The following KAZN variants were observed in gnomAD, a reference collection of about 807,000 sequenced individuals.
KAZN encodes kazrin.
KAZN carries 40 observed loss-of-function variants against 87.4 expected under a neutral mutation model. The observed-to-expected ratio is 0.46, with a 90% CI of 0.36 to 0.60. The LOEUF (loss-of-function observed/expected upper bound fraction) is 0.60. KAZN is among the 20% of genes least tolerant of loss of function. The probability of loss-of-function intolerance (pLI) is 0.00; values close to 1 mark genes in which losing one functional copy is unlikely to be tolerated. For missense variants in KAZN, 898 were observed against 1,073.9 expected (o/e 0.84, Z 2.29); for synonymous variants, 466 against 458.3 (o/e 1.02, Z -0.22).
intron 2 of KAZN, among the ~76,000 whole-genome samples, chr1:15,029,515 A>G (rs1046157769): frequency 6.6e-6 from 1 of 152,166 alleles, no homozygotes; most frequent in Non-Finnish European, 1.5e-5. Flanking sequence ...GCACACGTAC[A>G]CACACCCCTT....
chr1:14,835,561 G>GCT (rs1647208420), intron 1 of KAZN, among the ~76,000 whole-genome samples: 2 of 152,234 alleles, frequency 1.3e-5, no homozygotes, highest in African/African-American at 4.8e-5. Flanking sequence ...CATTGTCACG[G>GCT]GAGGAAACTG....
chr1:13,919,156 CA>C (rs1639969791), intron 1 of KAZN, among the ~76,000 whole-genome samples: 1 of 152,238 alleles, frequency 6.6e-6, no homozygotes, highest in Non-Finnish European at 1.5e-5. Flanking sequence ...TCTCAGCACA[CA>C]AAGTGCACTG....
At chr1:14,065,187 A>T (rs575521265) in intron 1 of KAZN, among the ~76,000 whole-genome samples, 7 of 152,340 alleles carry the variant, frequency 4.6e-5, no homozygotes, top group African/African-American at 1.7e-4. Flanking sequence ...CAGGAGGGGA[A>T]TCTGTTCCGG....
chr1:14,493,441 C>T (rs1033950883), intron 2 of KAZN, among the ~76,000 whole-genome samples: 7 of 152,084 alleles, frequency 4.6e-5, no homozygotes, highest in Admixed American at 1.3e-4. Flanking sequence ...CATTCACATC[C>T]GACTCACCAC....
chr1:14,599,070 A>G lies in KAZN; in HGVS notation c.73A>G (p.Asn25Asp), dbSNP rs1166087320. The part of the protein sequence containing the change: ...AVQSASQEVT[N>D]LRAELTATNR... The stretch of plus-strand genomic sequence containing the variant: ...CCAGTCGGCCAGCCAGGAGGTGACC[A>G]ACCTGCGAGCCGAACTCACGGCCAC... The change falls in exon 1 of 15, where the codon AAC becomes GAC. Residue 25 changes from asparagine to aspartate, a missense_variant. Asn to Asp is a conservative substitution (Grantham distance 23). Around this residue, in one of 3 missense-constraint regions of KAZN, gnomAD observed 250 missense variants for 263.0 expected, o/e 0.95. Transcript: ENST00000376030. This position sits in a 1 kb window ranked among gnomAD's most constrained non-coding sequence, Gnocchi z 4.4. 2 of 1,562,094 alleles carry G rather than the reference A, an allele frequency of 1.3e-6. No homozygotes were observed. Among genetic ancestry groups the G allele is most frequent in the Non-Finnish European group, 1.7e-6 (2 of 1,158,860 alleles).
At chr1:14,577,685 A>G (rs773920839) in intron 2 of KAZN, among the ~76,000 whole-genome samples, 2 of 152,200 alleles carry the variant, frequency 1.3e-5, no homozygotes, top group Non-Finnish European at 2.9e-5. Context: ...CCACTCACTG[A>G]GTGATCTTAG....
In KAZN at chr1:14,100,654, G is replaced by T. The variant is rs530078974; in HGVS notation, c.92-79781G>T. Among the ~76,000 whole-genome samples the T allele has an allele frequency of 6.6e-5, 10 of 152,310 alleles. No individual in the cohort carries two copies. The East Asian group carries it at 1.9e-3, about 29-fold the overall frequency. On this transcript the variant is annotated intron_variant, in intron 1 of 16. Transcript: ENST00000636203. The stretch of plus-strand genomic sequence containing the variant: ...GGCTTTGTTGGGGGCTGGTCACATA[G>T]GCAACCTCTTGCCTGGTACATACAC...
At chr1:14,170,465 A>G (rs974931637) in intron 1 of KAZN, among the ~76,000 whole-genome samples, 2 of 152,164 alleles carry the variant, frequency 1.3e-5, no homozygotes, top group Non-Finnish European at 2.9e-5. Context: ...CTTACATGCC[A>G]GAGACCACTC....
rs190825716 is a variant in KAZN, at chr1:14,657,755, C to T, written c.226+58532C>T. Among the ~76,000 whole-genome samples the T allele has an allele frequency of 6.1e-3, 924 of 152,262 alleles. 5 individuals are homozygous for T. The highest frequency in any genetic ancestry group is 0.021 in the South Asian group (101 of 4,814). ...TTGATTCCAGGTGAACCTTCCCCATCCCCCCAGAGCACAGCCTGGAACCCA... is the reference window on the plus strand; with the variant it reads ...TTGATTCCAGGTGAACCTTCCCCATTCCCCCAGAGCACAGCCTGGAACCCA... On this transcript the variant is annotated intron_variant, in intron 1 of 14. Transcript: ENST00000376030.
At chr1:14,505,736 G>T (rs1670549013) in intron 2 of KAZN, among the ~76,000 whole-genome samples, 4 of 152,214 alleles carry the variant, frequency 2.6e-5, no homozygotes, top group Admixed American at 2.6e-4. Context: ...CACTTTGGGA[G>T]GCCGAGGTGG....
chr1:14,319,827 C>T (rs1655927104), intron 2 of KAZN, among the ~76,000 whole-genome samples: 1 of 152,106 alleles, frequency 6.6e-6, no homozygotes, highest in Non-Finnish European at 1.5e-5. Flanking sequence ...TAAACCCACT[C>T]CCTGTTTTTC....
rs937488815 is a variant in KAZN, at chr1:14,856,072, C to T, written c.227-104612C>T. The stretch of plus-strand genomic sequence containing the variant: ...TTGGGATATGGCAGGTGAGTAATAA[C>T]GTGATTTACATCCTTGGGGGTTTGG... On this transcript the variant is annotated intron_variant, in intron 1 of 14. Coordinates refer to ENST00000376030, the MANE Select transcript of KAZN (RefSeq NM_201628.3). The surrounding 1 kb of genome is among the most constrained non-coding windows in gnomAD (Gnocchi z 5.2). 3.9e-5 allele frequency among the ~76,000 whole-genome samples: 6 copies of T among 152,052 alleles called. No individual in the cohort carries two copies. Among genetic ancestry groups the T allele is most frequent in the East Asian group, 3.9e-4 (2 of 5,188 alleles).
At position 13,893,432 on chromosome 1, in the gene KAZN, T is replaced by A. The variant is rs576516630; in HGVS notation, c.-234T>A. 160 of 531,784 alleles carry A rather than the reference T, an allele frequency of 3.0e-4. 1 individual carries two copies. The highest frequency in any genetic ancestry group is 2.8e-3 in the African/African-American group (146 of 51,280). The allele number at this position is 531,784 out of a possible 1,614,324, so 32.9% of individuals were successfully genotyped here. ...TGCATGGAACTGCTGCTGTGCAAGA[T>A]TTGCCAAGGCTTATAGGGTTTCATT... On this transcript the variant is annotated 5_prime_UTR_variant, in exon 1 of 17. Coordinates refer to the KAZN transcript ENST00000636203.
chr1:14,554,106 C>T (rs971380688), intron 2 of KAZN, among the ~76,000 whole-genome samples: 1 of 152,176 alleles, frequency 6.6e-6, no homozygotes, highest in African/African-American at 2.4e-5. Flanking sequence ...TTGGGGAAAT[C>T]AGTTCACCCC....
intron 2 of KAZN, among the ~76,000 whole-genome samples, chr1:14,999,845 C>T (rs946801742): frequency 1.2e-4 from 18 of 152,334 alleles, no homozygotes; most frequent in African/African-American, 4.3e-4. Context: ...GAATGCAGGA[C>T]ACCCTCAGTC....
At chr1:14,754,960 G>A (rs1445350595) in intron 1 of KAZN, among the ~76,000 whole-genome samples, 1 of 152,036 alleles carries the variant, frequency 6.6e-6, no homozygotes, top group Non-Finnish European at 1.5e-5. Context: ...AGTCTCGCAT[G>A]ACCGGGCCCA....
At chr1:14,347,032 A>C (rs2100926365) in intron 2 of KAZN, among the ~76,000 whole-genome samples, 1 of 152,332 alleles carries the variant, frequency 6.6e-6, no homozygotes, top group African/African-American at 2.4e-5. Context: ...CATGAGATAA[A>C]GGAAAATAGA....
chr1:14,598,752 T>C lies in KAZN; in HGVS notation c.-246T>C. 1 of 1,339,278 alleles carries C rather than the reference T, an allele frequency of 7.5e-7. No individual in the cohort carries two copies. 83.0% of individuals were successfully genotyped at this position (1,339,278 alleles called of 1,614,324 possible). On this transcript the variant is annotated 5_prime_UTR_variant, in exon 1 of 15. Coordinates refer to ENST00000376030, the MANE Select transcript of KAZN (RefSeq NM_201628.3). This position sits in a 1 kb window ranked among gnomAD's most constrained non-coding sequence, Gnocchi z 4.2. ...CGATCGCTGCTCCTCCTCCTCCTTC[T>C]CCTCCTCTTTTTTCTCCTCCGCCTC... is the stretch of plus-strand genomic sequence containing the variant.
intron 2 of KAZN, among the ~76,000 whole-genome samples, chr1:14,271,596 C>CCT (rs1163038902): frequency 6.6e-6 from 1 of 152,120 alleles, no homozygotes; most frequent in Non-Finnish European, 1.5e-5. Context: ...CTGTCTATTT[C>CCT]CTCTCTCTCT....
Sources: gnomAD v4.1 joint callset for allele counts (sites outside exome capture counted in the v4.1 genomes callset) on GRCh38, gnomAD v4.1.1 for gene constraint, gnomAD v4.1.1 regional missense constraint, Gnocchi (gnomAD v3.1) non-coding constraint, MANE v1.5 for transcripts, NCBI Gene and HGNC (gene_info 2026-07-23, HGNC 2026-07-21) for gene names.